The following CASP8 variants were observed in gnomAD, a reference collection of about 807,000 sequenced individuals.
CASP8 encodes caspase-8.
A neutral mutation model predicts 46.3 loss-of-function variants in CASP8; 24 were observed. The ratio of observed to expected loss-of-function variants is 0.52; its 90% confidence interval spans 0.38 to 0.73. The LOEUF (loss-of-function observed/expected upper bound fraction) is 0.73, where lower values mean the gene tolerates loss of function less well. CASP8 is among the 30% of genes least tolerant of loss of function. The pLI, the probability that CASP8 is intolerant of heterozygous loss-of-function variation, is 0.00. For missense variants in CASP8, 460 were observed against 559.0 expected (o/e 0.82, Z 1.79); for synonymous variants, 188 against 200.4 (o/e 0.94, Z 0.52).
At chr2:201,276,723 G>A (rs1392934815) in intron 6 of CASP8, 104 bp from the exon 7 acceptor site, 11 of 1,444,074 alleles carry the variant, frequency 7.6e-6, no homozygotes, top group Admixed American at 1.8e-5. Flanking sequence ...CCCGAGTTGG[G>A]GTGGTGCAAT....
chr2:201,258,867 CCT>C (rs1394564883), upstream of CASP8, among the ~76,000 whole-genome samples: 2 of 152,172 alleles, frequency 1.3e-5, no homozygotes, highest in African/African-American at 2.4e-5. Context: ...GCCCTCCTGC[CCT>C]CTCTCTTGTT....
chr2:201,262,598 C>A (rs1291154165), intron 1 of CASP8, among the ~76,000 whole-genome samples: 3 of 152,090 alleles, frequency 2.0e-5, no homozygotes, highest in Non-Finnish European at 4.4e-5. Context: ...TTCCAAATGG[C>A]AAGTTTTTAA....
Position 201,284,901 on chromosome 2 carries a change from G to GA in CASP8, c.892dup (p.Ile298AsnfsTer9). 6.2e-7 allele frequency: 1 copy of GA among 1,614,100 alleles called. No homozygotes were observed. The highest frequency in any genetic ancestry group is 8.5e-7 in the Non-Finnish European group (1 of 1,179,980). ...CAGTAGAGCAAATCTATGAGATTTT[G>GA]AAAATCTACCAACTCATGGACCACA... On this transcript the variant is annotated frameshift_variant, in exon 8 of 9. Transcript: ENST00000673742. LOFTEE classifies it high-confidence loss of function.
upstream of CASP8, among the ~76,000 whole-genome samples, chr2:201,260,271 C>T (rs1242041872): frequency 6.6e-6 from 1 of 152,166 alleles, no homozygotes; most frequent in African/African-American, 2.4e-5. Context: ...AGTCCAACGT[C>T]CTTGTTTTGG....
At chr2:201,246,134 G>C (rs544454183) in intron 2 of CASP8, among the ~76,000 whole-genome samples, 1 of 152,314 alleles carries the variant, frequency 6.6e-6, no homozygotes, top group African/African-American at 2.4e-5. Context: ...AAAGTGCTGG[G>C]ATTACAGGCG....
intron 2 of CASP8, among the ~76,000 whole-genome samples, chr2:201,234,813 A>G (rs997075838): frequency 6.6e-6 from 1 of 152,148 alleles, no homozygotes; most frequent in Non-Finnish European, 1.5e-5. Flanking sequence ...GTATTTTTAT[A>G]TAATGTGACC....
intron 1 of CASP8, among the ~76,000 whole-genome samples, chr2:201,261,167 G>A (rs1394699765): frequency 6.6e-6 from 1 of 152,156 alleles, no homozygotes; most frequent in East Asian, 1.9e-4. Context: ...TCGAGGCGGT[G>A]GTTCACCTGA....
upstream of CASP8, chr2:201,258,293 C>A (rs1489060781): frequency 1.2e-6 from 2 of 1,613,902 alleles, no homozygotes; most frequent in East Asian, 2.2e-5. Context: ...TTCCTGGGAG[C>A]CTTTCCCACC....
upstream of CASP8, among the ~76,000 whole-genome samples, chr2:201,257,350 T>G (rs1367751900): frequency 6.7e-6 from 1 of 149,464 alleles, no homozygotes; most frequent in Non-Finnish European, 1.5e-5. Context: ...GGGGTGGTGG[T>G]GGGTGCCTGT....
In CASP8 at chr2:201,266,882, C is replaced by A; in HGVS notation, c.305+91C>A. On this transcript the variant is annotated intron_variant, in intron 2 of 8. Transcript: ENST00000673742. The surrounding 1 kb of genome is among the most constrained non-coding windows in gnomAD (Gnocchi z 5.7). ...GGGGCTTTTTTTTGTGGTACCCTGCCTAGTGCCTGGGAACCCAGCAGTGCC... is the reference window on the plus strand; with the variant it reads ...GGGGCTTTTTTTTGTGGTACCCTGCATAGTGCCTGGGAACCCAGCAGTGCC... 5.5e-6 allele frequency: 5 copies of A among 904,772 alleles called. No individual in the cohort carries two copies. Among genetic ancestry groups the A allele is most frequent in the Non-Finnish European group, 6.7e-6 (4 of 598,986 alleles). 56.0% of individuals were successfully genotyped at this position (904,772 alleles called of 1,614,324 possible).
At chr2:201,250,201 G>T (rs1372513316) in intron 2 of CASP8, among the ~76,000 whole-genome samples, 1 of 152,196 alleles carries the variant, frequency 6.6e-6, no homozygotes, top group Non-Finnish European at 1.5e-5. Context: ...TATAGGGAGG[G>T]CATCTCTCAC....
At chr2:201,248,720 GC>G (rs1273672587) in intron 2 of CASP8, among the ~76,000 whole-genome samples, 2 of 151,994 alleles carry the variant, frequency 1.3e-5, no homozygotes, top group Admixed American at 6.6e-5. Flanking sequence ...CTATTCTCTA[GC>G]CTGCCTCTTC....
At chr2:201,263,730 T>C (rs1947593080) in intron 1 of CASP8, among the ~76,000 whole-genome samples, 1 of 152,188 alleles carries the variant, frequency 6.6e-6, no homozygotes, top group Non-Finnish European at 1.5e-5. Flanking sequence ...TTAACAGAGG[T>C]TAGAATGCAT....
chr2:201,237,079 C>G (rs1317871959), intron 2 of CASP8, among the ~76,000 whole-genome samples: 1 of 144,372 alleles, frequency 6.9e-6, no homozygotes, highest in Non-Finnish European at 1.5e-5. Context: ...AGTATGACCC[C>G]TTTCTATTTT....
rs184368293 is a variant in CASP8 at position 201,286,701 on chromosome 2, C to T, written c.*107C>T. On this transcript the variant is annotated 3_prime_UTR_variant, in exon 9 of 9. Transcript: ENST00000673742. ...CGTGATCTCGGCTCACCGCAAGCTC[C>T]GCCTCCCGGGTTCAGGCCATTCTCC... 3.6e-4 allele frequency: 357 copies of T among 983,518 alleles called. 1 individual carries two copies. In the African/African-American group the frequency reaches 3.7e-3, roughly 10 times the overall value. The allele number at this position is 983,518 out of a possible 1,614,324, so 60.9% of individuals were successfully genotyped here. A position where few individuals can be genotyped will look rare whatever the true frequency, so the allele number is the denominator to read the frequency against.
intron 2 of CASP8, among the ~76,000 whole-genome samples, chr2:201,253,339 G>A (rs1946871963): frequency 9.0e-6 from 1 of 111,530 alleles, no homozygotes; most frequent in Admixed American, 1.4e-4. Context: ...ACAGTCACTA[G>A]TGCTGTATGT....
intron 1 of CASP8, among the ~76,000 whole-genome samples, chr2:201,261,702 G>A (rs1052757429): frequency 1.5e-4 from 23 of 152,196 alleles, no homozygotes; most frequent in Non-Finnish European, 2.4e-4. Context: ...TGGAGGGAGT[G>A]GCAATACTAC....
At chr2:201,254,458 G>A (rs1363133327) in intron 2 of CASP8, among the ~76,000 whole-genome samples, 1 of 152,190 alleles carries the variant, frequency 6.6e-6, no homozygotes, top group Non-Finnish European at 1.5e-5. Flanking sequence ...AGGAGTCTAG[G>A]GCAGTAGCCA....
chr2:201,235,436 T>A (rs1372075279), intron 2 of CASP8, among the ~76,000 whole-genome samples: 1 of 152,206 alleles, frequency 6.6e-6, no homozygotes, highest in African/African-American at 2.4e-5. Flanking sequence ...GGCTAAAATC[T>A]ACTATATTTC....
Sources: gnomAD v4.1 joint callset for allele counts (sites outside exome capture counted in the v4.1 genomes callset) on GRCh38, gnomAD v4.1.1 for gene constraint, Gnocchi (gnomAD v3.1) non-coding constraint, MANE v1.5 for transcripts, NCBI Gene and HGNC (gene_info 2026-07-23, HGNC 2026-07-21) for gene names.